Variants in ITPKB observed in about 807,000 individuals in gnomAD.
The protein encoded by ITPKB is inositol-trisphosphate 3-kinase B.
In ITPKB, 13 loss-of-function variants were observed where a neutral mutation model predicts 69.4. That is an observed-to-expected ratio of 0.19 (90% confidence interval 0.12 to 0.30). The LOEUF is 0.30. Among genes scored for constraint, ITPKB ranks in the 10% least tolerant of loss-of-function variants. ITPKB has a pLI of 1.00. For missense variants in ITPKB, 1,240 were observed against 1,250.5 expected (o/e 0.99, Z 0.13); for synonymous variants, 584 against 513.7 (o/e 1.14, Z -1.85).
At chr1:226,718,597 C>A (rs1274149276) in intron 2 of ITPKB, among the ~76,000 whole-genome samples, 1 of 152,124 alleles carries the variant, frequency 6.6e-6, no homozygotes, top group African/African-American at 2.4e-5. Context: ...GAACAAGACC[C>A]TGTCTCAAAA....
chr1:226,737,481 GCCGCCGCGGCTCCCGCTCCTGCT>G lies in ITPKB; in HGVS notation c.-46_-24del. The G allele has an allele frequency of 6.5e-7, 1 of 1,533,928 alleles. No individual in the cohort carries two copies. Among genetic ancestry groups the G allele is most frequent in the Non-Finnish European group, 8.7e-7 (1 of 1,144,910 alleles). On this transcript the variant is annotated 5_prime_UTR_variant, in exon 2 of 8. Coordinates refer to ENST00000429204, the MANE Select transcript of ITPKB (RefSeq NM_002221.4). ...CATAGTACTGGGTCCCGCGCTGCCC[GCCGCCGCGGCTCCCGCTCCTGCT>G]CCGCCGCCGGCGCCTCCTCCTCCCG...
Position 226,737,382 on chromosome 1 carries a change from G to T in ITPKB, c.77C>A (p.Pro26Gln), listed in dbSNP as rs777113953. The T allele has an allele frequency of 2.5e-6, 4 of 1,609,592 alleles. No individual in the cohort carries two copies. The South Asian group carries it at 4.4e-5, about 18-fold the overall frequency. Reference protein sequence around the residue: ...SANEMKSGGGPGPSGSETPPP... With the variant: ...SANEMKSGGGQGPSGSETPPP... The stretch of plus-strand genomic sequence containing the variant: ...GGGCGTCTCGCTGCCACTGGGCCCC[G>T]GGCCGCCGCCGCTCTTCATCTCGTT... Residue 26 changes from proline to glutamine, a missense_variant, in exon 2 of 8, where the codon CCG becomes CAG. Physicochemically the swap from Pro to Gln is moderately conservative, Grantham distance 76 (BLOSUM62 -1). Transcript: ENST00000429204.
chr1:226,727,875 C>G (rs947184874), intron 2 of ITPKB, among the ~76,000 whole-genome samples: 3 of 152,192 alleles, frequency 2.0e-5, no homozygotes, highest in Admixed American at 6.5e-5. Flanking sequence ...ATCTTGGTCA[C>G]CAGGTCAACG....
intron 2 of ITPKB, among the ~76,000 whole-genome samples, chr1:226,649,438 T>G (rs112665440): frequency 1.5e-5 from 2 of 134,926 alleles, no homozygotes; most frequent in African/African-American, 2.8e-5. Context: ...TGTGCGTATG[T>G]GTGCGTGTGT....
Position 226,735,716 on chromosome 1 carries a change from G to C in ITPKB, c.1743C>G (p.Ala581=). The change falls in exon 2 of 8, where the codon GCC becomes GCG. Residue 581 remains alanine (A), a synonymous_variant. Transcript: ENST00000429204. ...GAGGGCTTCCCTGCGTCTCCTCCAAGGCCCCATCCTCCTGGGTGCCCATGT... is the reference window on the plus strand; with the variant it reads ...GAGGGCTTCCCTGCGTCTCCTCCAACGCCCCATCCTCCTGGGTGCCCATGT... ...ITDMGTQEDG[A]LEETQGSPRG... 6.3e-7 allele frequency: 1 copy of C among 1,587,700 alleles called. No homozygotes were observed. Among genetic ancestry groups the C allele is most frequent in the Non-Finnish European group, 8.6e-7 (1 of 1,164,864 alleles).
intron 2 of ITPKB, among the ~76,000 whole-genome samples, chr1:226,700,430 C>T (rs1405422614): frequency 3.6e-5 from 5 of 140,286 alleles, no homozygotes; most frequent in Non-Finnish European, 6.0e-5. Flanking sequence ...GATCACGCCA[C>T]GGCACTCCAG....
Position 226,637,329 on chromosome 1 carries a change from C to T in ITPKB, c.2625+350G>A, listed in dbSNP as rs183998368. Among the ~76,000 whole-genome samples the T allele has an allele frequency of 2.0e-5, 3 of 152,202 alleles. No homozygotes were observed. Among genetic ancestry groups the T allele is most frequent in the East Asian group, 1.9e-4 (1 of 5,200 alleles). The stretch of plus-strand genomic sequence containing the variant: ...ATCTGAAGATGTAGGTGGCGGTCGG[C>T]GGGTGCCTGGCTACTCTAGCAGCTC... On this transcript the variant is annotated intron_variant, in intron 7 of 7. Transcript: ENST00000429204. This position sits in a 1 kb window ranked among gnomAD's most constrained non-coding sequence, Gnocchi z 4.3.
chr1:226,732,102 C>CAAA (rs532778037), intron 2 of ITPKB, among the ~76,000 whole-genome samples: 3 of 76,294 alleles, frequency 3.9e-5, no homozygotes, highest in South Asian at 4.2e-4. Flanking sequence ...TAGTCAACAT[C>CAAA]AAAAAAAAAA....
intron 2 of ITPKB, among the ~76,000 whole-genome samples, chr1:226,679,830 C>T (rs773714736): frequency 1.3e-5 from 2 of 152,150 alleles, no homozygotes; most frequent in African/African-American, 2.4e-5. Context: ...TTCGATTTTG[C>T]TGGGGAGAAG....
chr1:226,731,950 CTTTTAAATT>C lies in ITPKB; in HGVS notation c.1932+3568_1932+3576del, dbSNP rs559341753. ...GCATTTTTTAAAGTGCCCCTCTAGG[CTTTTAAATT>C]TTAGTTTGGTTTACCCCAAACTAAA... On this transcript the variant is annotated intron_variant, in intron 2 of 7. Coordinates refer to ENST00000429204, the MANE Select transcript of ITPKB (RefSeq NM_002221.4). Among the ~76,000 whole-genome samples, 410 of 151,964 alleles carry C rather than the reference CTTTTAAATT, an allele frequency of 2.7e-3. 5 individuals are homozygous for C. The highest frequency in any genetic ancestry group is 5.9e-4 in the Non-Finnish European group (40 of 67,950).
intron 2 of ITPKB, among the ~76,000 whole-genome samples, chr1:226,687,504 G>C (rs1656243783): frequency 1.3e-5 from 2 of 152,176 alleles, no homozygotes; most frequent in South Asian, 2.1e-4. Flanking sequence ...TCTACCCTCT[G>C]TCCCTGGAAC....
rs549793452 is a variant in ITPKB at position 226,738,478 on chromosome 1, A to C, written c.-206+563T>G. Among the ~76,000 whole-genome samples the C allele has an allele frequency of 6.6e-5, 10 of 152,098 alleles. No individual in the cohort carries two copies. The South Asian group carries it at 2.1e-3, about 32-fold the overall frequency. ...GGGGTGTCTGTGAGTGTGTGTGTATACACGCGTGTGTGTATACGCCGCACG... is the reference window on the plus strand; with the variant it reads ...GGGGTGTCTGTGAGTGTGTGTGTATCCACGCGTGTGTGTATACGCCGCACG... On this transcript the variant is annotated intron_variant, in intron 1 of 7. Transcript: ENST00000429204. The surrounding 1 kb of genome is among the most constrained non-coding windows in gnomAD (Gnocchi z 4.2).
chr1:226,697,141 A>C (rs1405505923), intron 2 of ITPKB, among the ~76,000 whole-genome samples: 1 of 152,224 alleles, frequency 6.6e-6, no homozygotes, highest in Non-Finnish European at 1.5e-5. Context: ...CGTCAACTAA[A>C]TGTTGGTGGG....
intron 2 of ITPKB, among the ~76,000 whole-genome samples, chr1:226,733,372 C>G (rs1657650229): frequency 6.6e-6 from 1 of 152,130 alleles, no homozygotes; most frequent in South Asian, 2.1e-4. Flanking sequence ...AGATGTCTGG[C>G]CTTCTGTAGA....
chr1:226,698,408 G>A (rs538614039), intron 2 of ITPKB, among the ~76,000 whole-genome samples: 2 of 152,312 alleles, frequency 1.3e-5, no homozygotes, highest in South Asian at 2.1e-4. Context: ...TGGAGGCACT[G>A]GGCCAATTAG....
chr1:226,650,154 G>A (rs899543060), intron 2 of ITPKB, among the ~76,000 whole-genome samples: 2 of 152,246 alleles, frequency 1.3e-5, no homozygotes, highest in East Asian at 1.9e-4. Context: ...AGGGGTCAGC[G>A]GCGGCTGCTG....
intron 2 of ITPKB, among the ~76,000 whole-genome samples, chr1:226,665,846 G>A (rs1241165650): frequency 6.6e-6 from 1 of 152,232 alleles, no homozygotes; most frequent in Non-Finnish European, 1.5e-5. Flanking sequence ...CCCAGCCCAG[G>A]TGAGGCGAGG....
rs759111791 is a variant in ITPKB, at chr1:226,637,049, G to A, written c.2625+630C>T. Reference sequence around the variant, plus strand: ...TTATGAGTGTGATCTGTGAATGTGTGTGGTATAGGATTGATGAGTGTGGGA... The same window carrying A: ...TTATGAGTGTGATCTGTGAATGTGTATGGTATAGGATTGATGAGTGTGGGA... On this transcript the variant is annotated intron_variant, in intron 7 of 7. Coordinates refer to ENST00000429204, the MANE Select transcript of ITPKB (RefSeq NM_002221.4). This position sits in a 1 kb window ranked among gnomAD's most constrained non-coding sequence, Gnocchi z 4.3. 5.3e-5 allele frequency among the ~76,000 whole-genome samples: 8 copies of A among 151,990 alleles called. No individual in the cohort carries two copies. The highest frequency in any genetic ancestry group is 8.8e-5 in the Non-Finnish European group (6 of 68,002).
chr1:226,728,479 T>A (rs956990761), intron 2 of ITPKB, among the ~76,000 whole-genome samples: 1 of 152,220 alleles, frequency 6.6e-6, no homozygotes, highest in Non-Finnish European at 1.5e-5. Flanking sequence ...TCAGACAAAG[T>A]TGGAAGACCC....
Sources: gnomAD v4.1 joint callset for allele counts (sites outside exome capture counted in the v4.1 genomes callset) on GRCh38, gnomAD v4.1.1 for gene constraint, Gnocchi (gnomAD v3.1) non-coding constraint, MANE v1.5 for transcripts, NCBI Gene and HGNC (gene_info 2026-07-23, HGNC 2026-07-21) for gene names.